CDK19: variants seen among roughly 807,000 people sequenced by gnomAD.
CDK19 encodes the protein cyclin-dependent kinase 19.
A neutral mutation model predicts 68.3 loss-of-function variants in CDK19; 20 were observed. The observed-to-expected ratio is 0.29, with a 90% confidence interval of 0.21 to 0.43. The LOEUF (loss-of-function observed/expected upper bound fraction) is 0.43. Among genes scored for constraint, CDK19 ranks in the 20% least tolerant of loss-of-function variants. CDK19 has a pLI of 1.00. For synonymous variants in CDK19, 221 were observed against 222.8 expected (o/e 0.99, Z 0.07); for missense variants, 339 against 623.5 (o/e 0.54, Z 4.86).
intron 2 of CDK19, among the ~76,000 whole-genome samples, chr6:110,739,048 T>C (rs1777457397): frequency 1.3e-5 from 2 of 152,186 alleles, no homozygotes; most frequent in African/African-American, 4.8e-5. Context: ...GTGGAGTTAA[T>C]CAGCAACCCA....
chr6:110,679,416 C>T (rs1046928834), intron 2 of CDK19, among the ~76,000 whole-genome samples: 3 of 151,836 alleles, frequency 2.0e-5, no homozygotes, highest in Admixed American at 2.0e-4. Context: ...AGTTTGAGAC[C>T]AGACTGGCCA....
chr6:110,729,429 GTT>G (rs1776583453), intron 2 of CDK19, among the ~76,000 whole-genome samples: 1 of 108,280 alleles, frequency 9.2e-6, no homozygotes, highest in Non-Finnish European at 2.1e-5. Flanking sequence ...TTATTTTGTT[GTT>G]TGTTTATTTA....
At chr6:110,798,485 A>C (rs1227926731) in intron 1 of CDK19, among the ~76,000 whole-genome samples, 1 of 151,790 alleles carries the variant, frequency 6.6e-6, no homozygotes, top group Non-Finnish European at 1.5e-5. Flanking sequence ...TTAGCTGGGC[A>C]TGATGGCAGG....
At chr6:110,800,199 ATTAC>A (rs1179671678) in intron 1 of CDK19, among the ~76,000 whole-genome samples, 3 of 152,202 alleles carry the variant, frequency 2.0e-5, no homozygotes, top group Non-Finnish European at 2.9e-5. Context: ...GGAAAGGTGT[ATTAC>A]TTCCTTTAAC....
chr6:110,717,224 A>G (rs1202967760), intron 2 of CDK19, among the ~76,000 whole-genome samples: 5 of 86,072 alleles, frequency 5.8e-5, no homozygotes, highest in African/African-American at 1.6e-4. Flanking sequence ...ATATATCTAT[A>G]TATCACATAT....
In CDK19 at chr6:110,763,137, T is replaced by TTATA. The variant is rs535948075; in HGVS notation, c.129-16940_129-16937dup. On this transcript the variant is annotated intron_variant, in intron 1 of 12. Transcript: ENST00000368911. Reference sequence around the variant, plus strand: ...GAGAAACTAAAGAAAATAGAAGGTATTATATATTAAAACTGCCTGAATCCC... The same window carrying TTATA: ...GAGAAACTAAAGAAAATAGAAGGTATTATATATATATTAAAACTGCCTGAATCCC... 5.2e-3 allele frequency among the ~76,000 whole-genome samples: 793 copies of TTATA among 152,224 alleles called. 6 individuals are homozygous for TTATA. Among genetic ancestry groups the TTATA allele is most frequent in the African/African-American group, 0.019 (772 of 41,536 alleles).
At chr6:110,667,992 T>C (rs1036776157) in intron 3 of CDK19, among the ~76,000 whole-genome samples, 16 of 152,330 alleles carry the variant, frequency 1.1e-4, no homozygotes, top group African/African-American at 3.6e-4. Context: ...GGTGTATATT[T>C]GAATTATTGG....
Position 110,673,780 on chromosome 6 carries a change from T to C in CDK19, c.205-3239A>G, listed in dbSNP as rs574115887. Among the ~76,000 whole-genome samples, 13 of 152,304 alleles carry C rather than the reference T, an allele frequency of 8.5e-5. No individual in the cohort carries two copies. The South Asian group carries it at 1.9e-3, about 22-fold the overall frequency. On this transcript the variant is annotated intron_variant, in intron 2 of 12. Coordinates refer to ENST00000368911, the MANE Select transcript of CDK19 (RefSeq NM_015076.5). ...TTTCTTGTTCTTTTTTACAGTAGCA[T>C]GGTATTTCTAGATCACCTCTTTTAA...
intron 4 of CDK19, among the ~76,000 whole-genome samples, chr6:110,658,982 C>A (rs984107989): frequency 7.9e-5 from 12 of 152,206 alleles, no homozygotes; most frequent in African/African-American, 2.9e-4. Flanking sequence ...CTCAGTATTC[C>A]CCATTTTACA....
In CDK19 at chr6:110,627,163, T is replaced by A; in HGVS notation, c.647-18A>T. On this transcript the variant is annotated intron_variant, in intron 6 of 12. Coordinates refer to ENST00000368911, the MANE Select transcript of CDK19 (RefSeq NM_015076.5). ...CCATATATCTGGGAAGGAAGAAACA[T>A]AAGTTTTTGTATATATTTCCTTGGT... 1 of 1,579,844 alleles carries A rather than the reference T, an allele frequency of 6.3e-7. No individual in the cohort carries two copies. The highest frequency in any genetic ancestry group is 1.1e-5 in the South Asian group (1 of 87,806).
At chr6:110,691,664 T>C (rs1773002282) in intron 2 of CDK19, among the ~76,000 whole-genome samples, 1 of 151,290 alleles carries the variant, frequency 6.6e-6, no homozygotes, top group African/African-American at 2.4e-5. Context: ...TCTTTTTATT[T>C]TGAGATGGAG....
chr6:110,664,103 A>ATAT (rs1250819554), intron 4 of CDK19, among the ~76,000 whole-genome samples: 1 of 152,198 alleles, frequency 6.6e-6, no homozygotes, highest in Non-Finnish European at 1.5e-5. Context: ...GCTCCAACCC[A>ATAT]TATCTTCTGA....
At chr6:110,765,407 G>A (rs902034402) in intron 1 of CDK19, among the ~76,000 whole-genome samples, 2 of 151,896 alleles carry the variant, frequency 1.3e-5, no homozygotes, top group South Asian at 2.1e-4. Flanking sequence ...GGTCAGACGC[G>A]GTGGCTCACG....
intron 2 of CDK19, among the ~76,000 whole-genome samples, chr6:110,701,712 T>G (rs1774025136): frequency 6.6e-6 from 1 of 152,198 alleles, no homozygotes; most frequent in African/African-American, 2.4e-5. Context: ...GGAGACATAT[T>G]TTTCACTGAT....
intron 1 of CDK19, among the ~76,000 whole-genome samples, chr6:110,781,338 C>A (rs780718312): frequency 6.6e-6 from 1 of 152,050 alleles, no homozygotes; most frequent in East Asian, 1.9e-4. Flanking sequence ...CCCTGGGAAC[C>A]GATAGAGCAA....
intron 2 of CDK19, among the ~76,000 whole-genome samples, chr6:110,688,337 CTA>C (rs201328968): frequency 6.0e-5 from 9 of 149,648 alleles, no homozygotes; most frequent in Non-Finnish European, 8.9e-5. Flanking sequence ...AAACAAAAAA[CTA>C]TATATATATA....
At position 110,611,682 on chromosome 6, in the gene CDK19, A is replaced by G. The variant is rs1416678811; in HGVS notation, c.*2853T>C. 1.3e-5 allele frequency: 2 copies of G among 152,348 alleles called. No individual in the cohort carries two copies. The highest frequency in any genetic ancestry group is 4.8e-5 in the African/African-American group (2 of 41,422). The allele number at this position is 152,348 out of a possible 1,614,324, so 9.4% of individuals were successfully genotyped here. A position where few individuals can be genotyped will look rare whatever the true frequency, so the allele number is the denominator to read the frequency against. On this transcript the variant is annotated 3_prime_UTR_variant, in exon 13 of 13. Transcript: ENST00000368911. ...GTGCCCGTAGTCCCAGCTACTCGGG[A>G]GGCTGAGGCAGGAGAATCACTTGAA...
At chr6:110,723,152 A>AAC (rs1475797862) in intron 2 of CDK19, among the ~76,000 whole-genome samples, 3 of 39,778 alleles carry the variant, frequency 7.5e-5, no homozygotes, top group African/African-American at 1.5e-4. Context: ...AACAAAAAAC[A>AAC]AAAAAAAAAA....
At chr6:110,797,984 C>CAAAAAAAAAAAAA (rs56710819) in intron 1 of CDK19, among the ~76,000 whole-genome samples, 34 of 87,186 alleles carry the variant, frequency 3.9e-4, no homozygotes, top group Non-Finnish European at 5.5e-4. Context: ...GACTCCGTCT[C>CAAAAAAAAAAAAA]AAAAAAAAAA....
Sources: allele counts gnomAD v4.1 joint callset (sites outside exome capture counted in the v4.1 genomes callset), GRCh38; gene constraint gnomAD v4.1.1; transcripts MANE v1.5; gene names NCBI Gene and HGNC (gene_info 2026-07-23, HGNC 2026-07-21).